The following SYNE1 variants were observed in gnomAD, a reference collection of about 807,000 sequenced individuals.
SYNE1 encodes nesprin-1.
In SYNE1, 616 loss-of-function variants were observed where a neutral mutation model predicts 1,111.0. The ratio of observed to expected loss-of-function variants is 0.55; its 90% CI spans 0.52 to 0.59. The LOEUF (loss-of-function observed/expected upper bound fraction) is 0.59. Ranked by LOEUF, SYNE1 falls within the 20% of genes least tolerant of loss-of-function variation. The pLI, the probability that SYNE1 is intolerant of heterozygous loss-of-function variation, is 0.00. For missense variants in SYNE1, 10,006 were observed against 10,417.0 expected (o/e 0.96, Z 1.72); for synonymous variants, 3,855 against 3,825.8 (o/e 1.01, Z -0.28).
intron 87 of SYNE1, 114 bp downstream of exon 87, chr6:152,316,735 T>C: frequency 1.6e-6 from 2 of 1,248,866 alleles, no homozygotes; most frequent in Non-Finnish European, 2.3e-6. Flanking sequence ...GCATTCTTTT[T>C]ATCTGGTAGC....
At position 152,321,893 on chromosome 6, in the gene SYNE1, A is replaced by G; in HGVS notation, c.15918-7T>C. ...CTTCACTTTCTCCTGCATGCTTCAG[A>G]AACATTACAGGGATAAAACAGAAGT... On this transcript the variant is annotated splice_region_variant and splice_polypyrimidine_tract_variant and intron_variant, in intron 82 of 145. Transcript: ENST00000367255. 1 of 1,614,070 alleles carries G rather than the reference A, an allele frequency of 6.2e-7. No individual in the cohort carries two copies. The highest frequency in any genetic ancestry group is 8.5e-7 in the Non-Finnish European group (1 of 1,179,968).
chr6:152,194,475 T>G (rs2073554474), intron 127 of SYNE1, among the ~76,000 whole-genome samples: 1 of 152,222 alleles, frequency 6.6e-6, no homozygotes. Flanking sequence ...ATTAAATGCC[T>G]TGAGGTAATC....
At position 152,439,086 on chromosome 6, in the gene SYNE1, C is replaced by T. The variant is rs1038754843; in HGVS notation, c.4149+2044G>A. Among the ~76,000 whole-genome samples the T allele has an allele frequency of 7.2e-5, 11 of 152,024 alleles. 1 individual carries two copies. The highest frequency in any genetic ancestry group is 6.2e-4 in the South Asian group (3 of 4,826). On this transcript the variant is annotated intron_variant, in intron 32 of 145. Transcript: ENST00000367255. ...TTAGGACTGTTTTGAGGATTAAAGG[C>T]GATGATAAACATCAAATAATTAATT...
At chr6:152,578,034 A>C (rs191551025) in intron 3 of SYNE1, among the ~76,000 whole-genome samples, 371 of 152,232 alleles carry the variant, frequency 2.4e-3, no homozygotes, top group African/African-American at 8.1e-3. Context: ...AAGTGTCATT[A>C]TTTCTACTAA....
At chr6:152,362,455 G>T in intron 63 of SYNE1, 132 bp from the exon 64 acceptor site, 2 of 1,236,744 alleles carry the variant, frequency 1.6e-6, no homozygotes, top group Non-Finnish European at 2.3e-6. Context: ...TTGGGAGTGA[G>T]CAGGCTGCCC....
In SYNE1 at chr6:152,152,160, A is replaced by G. The variant is rs2060533065; in HGVS notation, c.24130-19T>C. 1.2e-6 allele frequency: 2 copies of G among 1,612,560 alleles called. No individual in the cohort carries two copies. The highest frequency in any genetic ancestry group is 1.7e-6 in the Non-Finnish European group (2 of 1,178,962). On this transcript the variant is annotated intron_variant, in intron 133 of 145. Coordinates refer to ENST00000367255, the MANE Select transcript of SYNE1 (RefSeq NM_182961.4). ...GGAAAGCCTAAGGCCACAGAGAAGC[A>G]TATCAGTGTGAGAAATCAGCGAAGG...
chr6:152,168,166 T>C (rs2064141564), intron 130 of SYNE1: 2 of 775,894 alleles, frequency 2.6e-6, no homozygotes. Flanking sequence ...AGCTGTCCTC[T>C]GCCATCCTCA....
intron 3 of SYNE1, among the ~76,000 whole-genome samples, chr6:152,627,488 A>AC (rs1330065196): frequency 1.8e-3 from 150 of 84,840 alleles, no homozygotes; most frequent in Middle Eastern, 5.6e-3. Context: ...CCATATCTCT[A>AC]CTAAAAAAAA....
At chr6:152,544,579 T>A (rs934548081) in intron 3 of SYNE1, among the ~76,000 whole-genome samples, 1 of 152,204 alleles carries the variant, frequency 6.6e-6, no homozygotes, top group African/African-American at 2.4e-5. Context: ...GGTATTCAAT[T>A]TCTGCATTTC....
intron 4 of SYNE1, among the ~76,000 whole-genome samples, chr6:152,528,128 C>A (rs2154355732): frequency 1.3e-5 from 2 of 152,278 alleles, no homozygotes; most frequent in South Asian, 2.1e-4. Context: ...CTCTTTCTTT[C>A]TCCTCTCTTC....
At position 152,607,865 on chromosome 6, in the gene SYNE1, G is replaced by C. The variant is rs188283923; in HGVS notation, c.67+20400C>G. Reference sequence around the variant, plus strand: ...ATGCTATACAGCCATAAAAAGAAATGAGATCATGTCCTTTGCAGGGATATG... The same window carrying C: ...ATGCTATACAGCCATAAAAAGAAATCAGATCATGTCCTTTGCAGGGATATG... On this transcript the variant is annotated intron_variant, in intron 3 of 145. Transcript: ENST00000367255. 1.5e-3 allele frequency among the ~76,000 whole-genome samples: 235 copies of C among 152,306 alleles called. 1 individual carries two copies. Among genetic ancestry groups the C allele is most frequent in the African/African-American group, 5.1e-3 (214 of 41,568 alleles).
chr6:152,529,809 C>T (rs562503680), intron 4 of SYNE1, among the ~76,000 whole-genome samples: 10 of 148,982 alleles, frequency 6.7e-5, no homozygotes, highest in Admixed American at 5.3e-4. Flanking sequence ...AGGGAAGTTC[C>T]CCCAGGTCTT....
Position 152,326,065 on chromosome 6 carries a change from C to T in SYNE1, c.15331G>A (p.Glu5111Lys), listed in dbSNP as rs1187595708. Reference sequence around the variant, plus strand: ...TCATTCATCAATTCAATAACCTCTTCCCTTGCTTTCTGGTAATCGTGCCAT... The same window carrying T: ...TCATTCATCAATTCAATAACCTCTTTCCTTGCTTTCTGGTAATCGTGCCAT... ...AQWHDYQKAR[E>K]EVIELMNDTE... Residue 5111 changes from glutamate to lysine, a missense_variant, in exon 80 of 146, where the codon GAA (glutamate) becomes AAA (lysine). By Grantham distance (56) the Glu-to-Lys change is moderately conservative (BLOSUM62 1). This residue lies in a region of SYNE1 where 4,955 missense variants were observed against 5,017.2 expected (regional missense o/e 0.99). Transcript: ENST00000367255. The T allele has an allele frequency of 6.2e-7, 1 of 1,614,150 alleles. No homozygotes were observed. The highest frequency in any genetic ancestry group is 8.5e-7 in the Non-Finnish European group (1 of 1,180,034).
chr6:152,186,384 C>T (rs902153938), intron 128 of SYNE1, among the ~76,000 whole-genome samples: 1 of 151,614 alleles, frequency 6.6e-6, no homozygotes, highest in Admixed American at 6.6e-5. Flanking sequence ...TGGAGAAACC[C>T]TGTCTCTACT....
At chr6:152,381,461 G>T in intron 55 of SYNE1, 99 bp from the exon 56 acceptor site, 1 of 1,191,712 alleles carries the variant, frequency 8.4e-7, no homozygotes, top group Non-Finnish European at 1.2e-6. Flanking sequence ...CTGCCAGGAA[G>T]TTTTAACAAG....
At chr6:152,430,295 C>A in intron 35 of SYNE1, 85 bp from the exon 36 acceptor site, 1 of 1,219,790 alleles carries the variant, frequency 8.2e-7, no homozygotes, top group Non-Finnish European at 1.2e-6. Context: ...AATGGCATAC[C>A]TACCTTTTAT....
In SYNE1 at chr6:152,472,354, C is replaced by T; in HGVS notation, c.1410G>A (p.Arg470=). The change falls in exon 15 of 146, where the codon AGG becomes AGA. Residue 470 remains arginine (R), a synonymous_variant. Transcript: ENST00000367255. The stretch of plus-strand genomic sequence containing the variant: ...GTGGCACTGGAATCCCGTTAACAGA[C>T]CTGGTCCGGTAGATTTCATGGAATG... ...KRAFHEIYRT[R]SVNGIPVPPD... 1 of 1,614,034 alleles carries T rather than the reference C, an allele frequency of 6.2e-7. No homozygotes were observed. The highest frequency in any genetic ancestry group is 1.1e-5 in the South Asian group (1 of 91,080).
At chr6:152,588,006 T>C (rs2099546163) in intron 3 of SYNE1, among the ~76,000 whole-genome samples, 1 of 152,206 alleles carries the variant, frequency 6.6e-6, no homozygotes, top group African/African-American at 2.4e-5. Flanking sequence ...TGTTTAAGAA[T>C]AATAATAGCA....
At chr6:152,513,772 C>G (rs1007581478) in intron 6 of SYNE1, among the ~76,000 whole-genome samples, 1 of 150,662 alleles carries the variant, frequency 6.6e-6, no homozygotes, top group Admixed American at 6.6e-5. Flanking sequence ...GGAACTTAAA[C>G]AAATTTACAA....
Sources: allele counts gnomAD v4.1 joint callset (sites outside exome capture counted in the v4.1 genomes callset), GRCh38; gene constraint gnomAD v4.1.1; regional missense constraint gnomAD v4.1.1; transcripts MANE v1.5; gene names NCBI Gene and HGNC (gene_info 2026-07-23, HGNC 2026-07-21).